Variants in CNST observed in about 807,000 individuals in gnomAD.
CNST encodes consortin, connexin sorting protein, also known as consortin.
A neutral mutation model predicts 72.4 loss-of-function variants in CNST; 39 were observed. The ratio of observed to expected loss-of-function variants is 0.54; its 90% CI spans 0.42 to 0.70. The LOEUF (loss-of-function observed/expected upper bound fraction) is 0.70, where lower values mean the gene tolerates loss of function less well. Among genes scored for constraint, CNST ranks in the 30% least tolerant of loss-of-function variants. The pLI, the probability that CNST is intolerant of heterozygous loss-of-function variation, is 0.00. For synonymous variants in CNST, 332 were observed against 320.1 expected (o/e 1.04, Z -0.40); for missense variants, 871 against 868.5 (o/e 1.00, Z -0.04).
chr1:246,638,110 G>T (rs1490794625), intron 6 of CNST, among the ~76,000 whole-genome samples: 1 of 152,196 alleles, frequency 6.6e-6, no homozygotes, highest in Non-Finnish European at 1.5e-5. Context: ...TGCAAGAGAG[G>T]TTTGTAGCCG....
chr1:246,601,158 TAGC>T (rs981318783), intron 2 of CNST, among the ~76,000 whole-genome samples: 6 of 151,490 alleles, frequency 4.0e-5, no homozygotes, highest in Non-Finnish European at 4.4e-5. Flanking sequence ...ATAAAAAAAA[TAGC>T]AGGCGTGGTG....
chr1:246,642,843 T>G, intron 8 of CNST, among the ~76,000 whole-genome samples: 1 of 105,856 alleles, frequency 9.4e-6, no homozygotes, highest in Non-Finnish European at 1.9e-5. Flanking sequence ...TGATGGATGG[T>G]GATGATGATG....
intron 10 of CNST, 33 bp downstream of exon 10, chr1:246,660,367 G>GA (rs1171256966): frequency 5.0e-6 from 8 of 1,595,606 alleles, no homozygotes; most frequent in Non-Finnish European, 6.8e-6. Context: ...TAGCAGGATA[G>GA]ATGCTCAGTG....
chr1:246,656,039 CTTAAG>C (rs1200867800), intron 9 of CNST, among the ~76,000 whole-genome samples: 3 of 152,120 alleles, frequency 2.0e-5, no homozygotes, highest in Non-Finnish European at 4.4e-5. Flanking sequence ...ATTGCTGGCA[CTTAAG>C]TTATTTGTCA....
At chr1:246,649,952 T>C (rs1417707643) in intron 9 of CNST, among the ~76,000 whole-genome samples, 2 of 151,704 alleles carry the variant, frequency 1.3e-5, no homozygotes, top group Admixed American at 6.6e-5. Context: ...GTATCAAAGG[T>C]CTGTAGCATT....
chr1:246,658,472 A>C (rs1330694938), intron 9 of CNST, among the ~76,000 whole-genome samples: 1 of 150,092 alleles, frequency 6.7e-6, no homozygotes. Flanking sequence ...TGGCTTGTTG[A>C]TTTTTTTTTT....
chr1:246,574,117 G>A (rs1462864131), intron 1 of CNST, among the ~76,000 whole-genome samples: 1 of 152,182 alleles, frequency 6.6e-6, no homozygotes, highest in Non-Finnish European at 1.5e-5. Context: ...TCAGCTCACT[G>A]CAAGCTCCAC....
At chr1:246,652,417 ATG>A (rs1246705861) in intron 9 of CNST, among the ~76,000 whole-genome samples, 3 of 152,220 alleles carry the variant, frequency 2.0e-5, no homozygotes, top group Admixed American at 6.5e-5. Context: ...TTGAAATTGA[ATG>A]TTGGATACAT....
At chr1:246,650,561 G>A (rs1163858578) in intron 9 of CNST, among the ~76,000 whole-genome samples, 1 of 151,814 alleles carries the variant, frequency 6.6e-6, no homozygotes, top group African/African-American at 2.4e-5. Context: ...TTAACAATGA[G>A]GTTTTGGACC....
At chr1:246,629,740 T>C (rs1021363599) in intron 3 of CNST, among the ~76,000 whole-genome samples, 6 of 152,178 alleles carry the variant, frequency 3.9e-5, no homozygotes, top group Admixed American at 6.5e-5. Context: ...TTTTTTTTCT[T>C]TGTTTTTTTG....
intron 3 of CNST, among the ~76,000 whole-genome samples, chr1:246,624,617 C>T (rs1260271003): frequency 6.6e-6 from 1 of 152,248 alleles, no homozygotes; most frequent in Non-Finnish European, 1.5e-5. Context: ...GCTGCCTCCT[C>T]AGCCCAAGAA....
At chr1:246,639,759 C>T (rs1033750568) in intron 6 of CNST, among the ~76,000 whole-genome samples, 12 of 152,200 alleles carry the variant, frequency 7.9e-5, no homozygotes, top group Admixed American at 6.5e-4. Flanking sequence ...CACCAACCAA[C>T]AGCACAAAGC....
chr1:246,580,832 C>T lies in CNST; in HGVS notation c.-51-10680C>T, dbSNP rs560520046. 2.0e-5 allele frequency among the ~76,000 whole-genome samples: 3 copies of T among 152,044 alleles called. No individual in the cohort carries two copies. The East Asian group carries it at 5.8e-4, about 30-fold the overall frequency. On this transcript the variant is annotated intron_variant, in intron 1 of 10. Transcript: ENST00000366513. ...CTTAGCTCACTGCAACCTCTGCCCC[C>T]AGGGTTCAAGCGATTGCCCCGCCTC... is the stretch of plus-strand genomic sequence containing the variant.
intron 1 of CNST, among the ~76,000 whole-genome samples, chr1:246,571,977 A>AT (rs973334515): frequency 2.0e-5 from 3 of 152,248 alleles, no homozygotes; most frequent in Admixed American, 6.5e-5. Context: ...ATAATCACAT[A>AT]TTTTTTCTAC....
chr1:246,641,573 G>A (rs1665692094), intron 6 of CNST, among the ~76,000 whole-genome samples, 176 bp from the exon 7 acceptor site: 1 of 152,152 alleles, frequency 6.6e-6, no homozygotes, highest in African/African-American at 2.4e-5. Flanking sequence ...ACATGATATA[G>A]CTGCACTTTG....
chr1:246,589,508 C>T (rs1421377280), intron 1 of CNST, among the ~76,000 whole-genome samples: 2 of 151,570 alleles, frequency 1.3e-5, no homozygotes, highest in Admixed American at 6.6e-5. Flanking sequence ...TTAATCCAGT[C>T]TATCATTGTT....
At chr1:246,641,835 G>T in intron 7 of CNST, 65 bp downstream of exon 7, 1 of 1,228,112 alleles carries the variant, frequency 8.1e-7, no homozygotes, top group South Asian at 1.3e-5. Context: ...TCTGTTGTAT[G>T]GACTATTTTG....
At position 246,585,444 on chromosome 1, in the gene CNST, C is replaced by T. The variant is rs374903314; in HGVS notation, c.-51-6068C>T. On this transcript the variant is annotated intron_variant, in intron 1 of 10. Transcript: ENST00000366513. ...GGCAAATCACTTGAGGTCAGGAGTTCGAGATCAGCCTGTCCAACATGGCGA... is the reference window on the plus strand; with the variant it reads ...GGCAAATCACTTGAGGTCAGGAGTTTGAGATCAGCCTGTCCAACATGGCGA... Among the ~76,000 whole-genome samples, 49 of 151,212 alleles carry T rather than the reference C, an allele frequency of 3.2e-4. 2 individuals are homozygous for T. The East Asian group carries it at 4.1e-3, about 13-fold the overall frequency.
At chr1:246,567,920 T>G (rs1331474839) in intron 1 of CNST, among the ~76,000 whole-genome samples, 1 of 152,162 alleles carries the variant, frequency 6.6e-6, no homozygotes, top group African/African-American at 2.4e-5. Flanking sequence ...CCTGGAGTCC[T>G]AAATATTTTT....
Sources: gnomAD v4.1 joint callset for allele counts (sites outside exome capture counted in the v4.1 genomes callset) on GRCh38, gnomAD v4.1.1 for gene constraint, MANE v1.5 for transcripts, NCBI Gene and HGNC (gene_info 2026-07-23, HGNC 2026-07-21) for gene names.